NUP93: variants seen among roughly 807,000 people sequenced by gnomAD.
NUP93 encodes nuclear pore complex protein Nup93.
Under a neutral mutation model 107.8 loss-of-function variants are expected in NUP93, and 55 were observed. The observed-to-expected ratio is 0.51, with a 90% confidence interval of 0.41 to 0.64. NUP93 has a LOEUF of 0.64. Among genes scored for constraint, NUP93 ranks in the 30% least tolerant of loss-of-function variants. The pLI, the probability that NUP93 is intolerant of heterozygous loss-of-function variation, is 0.00. For synonymous variants in NUP93, 390 were observed against 397.5 expected (o/e 0.98, Z 0.22); for missense variants, 937 against 1,044.7 (o/e 0.90, Z 1.42).
At position 56,829,104 on chromosome 16, in the gene NUP93, C is replaced by G. The variant is rs540294844; in HGVS notation, c.922C>G (p.Leu308Val). 5.6e-6 allele frequency: 9 copies of G among 1,612,302 alleles called. No individual in the cohort carries two copies. The South Asian group carries it at 9.9e-5, about 18-fold the overall frequency. Residue 308 changes from leucine to valine, a missense_variant, in exon 9 of 22, where the codon CTA (leucine) becomes GTA (valine). Physicochemically the swap from Leu to Val is conservative, Grantham distance 32. Transcript: ENST00000308159. ...NIKLPAPLPGLQDGEVEGHPV... is the reference protein window; with the variant it reads ...NIKLPAPLPGVQDGEVEGHPV... ...TAAACTGCCAGCTCCCTTGCCTGGA[C>G]TACAGGTACTGACAACTTTCTCTGT...
In NUP93 at chr16:56,833,335, C is replaced by T; in HGVS notation, c.1466C>T (p.Ala489Val). The change falls in exon 13 of 22, where the codon GCT becomes GTT. Residue 489 changes from alanine (A) to valine (V), a missense_variant. Physicochemically the swap from Ala to Val is moderately conservative, Grantham distance 64. Coordinates refer to ENST00000308159, the MANE Select transcript of NUP93 (RefSeq NM_014669.5). Reference sequence around the variant, plus strand: ...CGCATGGAGCGGCTGCGCTGCCATGCTGTCCATGTAGCACTGGTGCTGTTT... The same window carrying T: ...CGCATGGAGCGGCTGCGCTGCCATGTTGTCCATGTAGCACTGGTGCTGTTT... ...LFRMERLRCH[A>V]VHVALVLFEL... 1 of 1,606,268 alleles carries T rather than the reference C, an allele frequency of 6.2e-7. No homozygotes were observed. The highest frequency in any genetic ancestry group is 1.8e-4 in the Middle Eastern group (1 of 5,566).
chr16:56,762,630 T>C (rs748894996), intron 3 of NUP93, among the ~76,000 whole-genome samples: 4 of 152,168 alleles, frequency 2.6e-5, no homozygotes, highest in African/African-American at 4.8e-5. Flanking sequence ...TAATAAATAA[T>C]TGCCAAACTT....
In NUP93 at chr16:56,795,655, TA is replaced by T. The variant is rs543426571; in HGVS notation, c.298-2820del. Reference sequence around the variant, plus strand: ...ATATTTTTATTTTTATTTTTATTTTTATTTTTATTTTTTGAGATGGAGTATC... The same window carrying T: ...ATATTTTTATTTTTATTTTTATTTTTTTTTTATTTTTTGAGATGGAGTATC... On this transcript the variant is annotated intron_variant, in intron 3 of 21. Coordinates refer to ENST00000308159, the MANE Select transcript of NUP93 (RefSeq NM_014669.5). Among the ~76,000 whole-genome samples the T allele has an allele frequency of 3.3e-3, 497 of 152,090 alleles. 3 individuals carry two copies. The highest frequency in any genetic ancestry group is 0.011 in the African/African-American group (471 of 41,462).
intron 1 of NUP93, among the ~76,000 whole-genome samples, chr16:56,732,278 TC>T (rs1301720147): frequency 6.6e-6 from 1 of 152,220 alleles, no homozygotes; most frequent in Admixed American, 6.5e-5. Context: ...ACTGATGTGT[TC>T]CTAGCACCTA....
intron 3 of NUP93, among the ~76,000 whole-genome samples, chr16:56,775,034 G>A (rs1962391064): frequency 1.3e-5 from 2 of 151,796 alleles, no homozygotes; most frequent in African/African-American, 4.8e-5. Context: ...CGAGTAGCTG[G>A]GACTACAGGC....
At chr16:56,757,141 G>A (rs1962039115) in intron 2 of NUP93, among the ~76,000 whole-genome samples, 1 of 152,188 alleles carries the variant, frequency 6.6e-6, no homozygotes, top group African/African-American at 2.4e-5. Context: ...AACTACATAT[G>A]CGAAATCCTT....
intron 16 of NUP93, among the ~76,000 whole-genome samples, chr16:56,835,776 C>T (rs1273228245): frequency 6.6e-6 from 1 of 152,176 alleles, no homozygotes; most frequent in South Asian, 2.1e-4. Context: ...AGGCCTCTCT[C>T]ATGCTCTCCT....
In NUP93 at chr16:56,849,079, C is replaced by T. The variant is rs1652720074; in HGVS notation, c.*4470C>T. On this transcript the variant is annotated 3_prime_UTR_variant, in exon 22 of 22. Coordinates refer to ENST00000308159, the MANE Select transcript of NUP93 (RefSeq NM_014669.5). ...GAATGAGCAGATGCTTTGCTTTGTCCTCCTGTGCCAGGCTCCTCCCCACAT... is the reference window on the plus strand; with the variant it reads ...GAATGAGCAGATGCTTTGCTTTGTCTTCCTGTGCCAGGCTCCTCCCCACAT... 1.3e-5 allele frequency: 2 copies of T among 152,268 alleles called. No individual in the cohort carries two copies. The highest frequency in any genetic ancestry group is 4.1e-4 in the South Asian group (2 of 4,838). The allele number at this position is 152,268 out of a possible 1,614,324, so 9.4% of individuals were successfully genotyped here.
intron 9 of NUP93, 136 bp downstream of exon 9, chr16:56,829,245 G>A (rs747657013): frequency 6.4e-6 from 7 of 1,091,056 alleles, no homozygotes; most frequent in Non-Finnish European, 9.1e-6. Context: ...AGGACAGAAG[G>A]TAAAGACCTC....
intron 19 of NUP93, 37 bp downstream of exon 19, chr16:56,839,106 TG>T (rs1963969830): frequency 7.1e-7 from 1 of 1,409,266 alleles, no homozygotes; most frequent in East Asian, 2.3e-5. Context: ...TGCAGGTTAA[TG>T]TACACCCTCG....
At chr16:56,843,255 T>C (rs148882534) in intron 21 of NUP93, among the ~76,000 whole-genome samples, 1 of 152,334 alleles carries the variant, frequency 6.6e-6, no homozygotes, top group East Asian at 1.9e-4. Context: ...TTTTTGATGA[T>C]AGAAACCCAG....
chr16:56,752,404 G>A (rs1961939084), intron 2 of NUP93, among the ~76,000 whole-genome samples: 1 of 152,150 alleles, frequency 6.6e-6, no homozygotes, highest in Non-Finnish European at 1.5e-5. Context: ...CTCTTCAGTA[G>A]TACAAAGGAA....
chr16:56,783,535 G>C, intron 3 of NUP93: 1 of 985,426 alleles, frequency 1.0e-6, no homozygotes, highest in Non-Finnish European at 1.2e-6. Context: ...CTCTAACACT[G>C]ACCCTGTATG....
chr16:56,819,461 A>G (rs540174096), intron 6 of NUP93, among the ~76,000 whole-genome samples: 4 of 152,206 alleles, frequency 2.6e-5, no homozygotes, highest in African/African-American at 4.8e-5. Context: ...CCATCCCCTT[A>G]AGATTATCCT....
chr16:56,827,044 C>CAAAAAAAAAAAAAAAAAAAAAA (rs1188027635), intron 8 of NUP93, among the ~76,000 whole-genome samples: 15 of 53,612 alleles, frequency 2.8e-4, no homozygotes, highest in African/African-American at 7.0e-4. Flanking sequence ...GACTCCGTCT[C>CAAAAAAAAAAAAAAAAAAAAAA]AAAAAAAAAA....
chr16:56,755,921 A>C (rs1487557223), intron 2 of NUP93, among the ~76,000 whole-genome samples: 1 of 152,108 alleles, frequency 6.6e-6, no homozygotes, highest in African/African-American at 2.4e-5. Flanking sequence ...TAAATGATAA[A>C]TTGTAAAGCT....
At chr16:56,791,805 G>A (rs1001189356) in intron 3 of NUP93, among the ~76,000 whole-genome samples, 6 of 152,208 alleles carry the variant, frequency 3.9e-5, no homozygotes, top group Admixed American at 2.0e-4. Flanking sequence ...TGGAACACAT[G>A]ACTGGAGATA....
At chr16:56,749,763 A>G (rs1038166950) in intron 2 of NUP93, among the ~76,000 whole-genome samples, 1 of 152,160 alleles carries the variant, frequency 6.6e-6, no homozygotes, top group Non-Finnish European at 1.5e-5. Context: ...CCAAAATGTT[A>G]TTTTCTAAAA....
At chr16:56,837,947 A>G (rs560474525) in intron 18 of NUP93, among the ~76,000 whole-genome samples, 1 of 152,362 alleles carries the variant, frequency 6.6e-6, no homozygotes, top group Admixed American at 6.5e-5. Flanking sequence ...TGCCAAAGAA[A>G]TGGGTATGAA....
Sources: allele counts gnomAD v4.1 joint callset (sites outside exome capture counted in the v4.1 genomes callset), GRCh38; gene constraint gnomAD v4.1.1; transcripts MANE v1.5; gene names NCBI Gene and HGNC (gene_info 2026-07-23, HGNC 2026-07-21).